AMD1: variants seen among roughly 807,000 people sequenced by gnomAD.
AMD1 encodes adenosylmethionine decarboxylase 1.
In AMD1, 11 loss-of-function variants were observed where a neutral mutation model predicts 40.2. The observed-to-expected ratio is 0.27, with a 90% CI of 0.17 to 0.45. The LOEUF is 0.45. AMD1 is among the 20% of genes least tolerant of loss of function. The pLI is 1.00. For synonymous variants in AMD1, 121 were observed against 130.8 expected, an observed-to-expected ratio of 0.93 and a Z score of 0.51; for missense variants, 257 against 410.2, an observed-to-expected ratio of 0.63 and a Z score of 3.23.
At chr6:110,883,703 C>T (rs1011688917) in intron 1 of AMD1, among the ~76,000 whole-genome samples, 1 of 152,096 alleles carries the variant, frequency 6.6e-6, no homozygotes, top group Non-Finnish European at 1.5e-5. Context: ...GCCATTCTCC[C>T]GCCGCAGCCA....
the AMD1 span, among the ~76,000 whole-genome samples, chr6:110,866,925 T>C: frequency 6.6e-6 from 1 of 152,054 alleles, no homozygotes; most frequent in Non-Finnish European, 1.5e-5. Context: ...GCTAGTCTCC[T>C]GCCTCAGCCT....
At chr6:110,822,174 G>A in the AMD1 span, among the ~76,000 whole-genome samples, 1 of 152,012 alleles carries the variant, frequency 6.6e-6, no homozygotes, top group East Asian at 1.9e-4. Context: ...CCACTACACT[G>A]TAGCCTGGGC....
chr6:110,822,474 A>G, the AMD1 span, among the ~76,000 whole-genome samples: 4 of 152,218 alleles, frequency 2.6e-5, no homozygotes, highest in Non-Finnish European at 5.9e-5. Flanking sequence ...GCCAAATTCT[A>G]GCAGACATTC....
the AMD1 span, among the ~76,000 whole-genome samples, chr6:110,861,694 T>C: frequency 1.7e-4 from 25 of 150,378 alleles, no homozygotes; most frequent in Non-Finnish European, 3.1e-4. Context: ...ATACAAAAAC[T>C]AACCAGGCGT....
intron 3 of AMD1, 166 bp downstream of exon 3, chr6:110,889,149 C>A: frequency 1.6e-6 from 1 of 621,576 alleles, no homozygotes; most frequent in Non-Finnish European, 2.4e-6. Context: ...TCAAGAACAG[C>A]AGAAAATAGG....
chr6:110,864,884 T>C, the AMD1 span, among the ~76,000 whole-genome samples: 2 of 152,228 alleles, frequency 1.3e-5, no homozygotes, highest in Admixed American at 6.5e-5. Flanking sequence ...GAATCCAGCA[T>C]ACAGGCTGGC....
the AMD1 span, among the ~76,000 whole-genome samples, chr6:110,868,366 G>C: frequency 9.2e-5 from 14 of 151,858 alleles, no homozygotes; most frequent in Admixed American, 1.3e-4. Context: ...AGCTAGAGTG[G>C]TCTTGATCTC....
chr6:110,881,383 G>T (rs1785402784), intron 1 of AMD1, among the ~76,000 whole-genome samples: 1 of 152,046 alleles, frequency 6.6e-6, no homozygotes, highest in South Asian at 2.1e-4. Context: ...ATGTCTTCTG[G>T]GTGGCAAAAT....
intron 1 of AMD1, among the ~76,000 whole-genome samples, chr6:110,881,377 C>G (rs1238036999): frequency 1.3e-5 from 2 of 152,156 alleles, no homozygotes; most frequent in Non-Finnish European, 2.9e-5. Context: ...TGCCACATGT[C>G]TTCTGGGTGG....
At chr6:110,882,866 C>T (rs1183283124) in intron 1 of AMD1, among the ~76,000 whole-genome samples, 1 of 152,182 alleles carries the variant, frequency 6.6e-6, no homozygotes, top group Non-Finnish European at 1.5e-5. Context: ...TGCCTATAAT[C>T]CTAGCACTTT....
chr6:110,848,950 G>A, the AMD1 span, among the ~76,000 whole-genome samples: 21,388 of 152,184 alleles, frequency 0.14, 1,679 homozygotes, highest in East Asian at 0.32. Context: ...TGGCTGCACT[G>A]AGCCTTGATG....
the AMD1 span, among the ~76,000 whole-genome samples, chr6:110,863,522 A>G: frequency 6.6e-6 from 1 of 151,430 alleles, no homozygotes; most frequent in Non-Finnish European, 1.5e-5. Context: ...GGCGTCTGCC[A>G]CCACACCTGG....
chr6:110,844,810 GA>G, the AMD1 span, among the ~76,000 whole-genome samples: 3 of 151,530 alleles, frequency 2.0e-5, no homozygotes, highest in African/African-American at 7.3e-5. Flanking sequence ...AAGAAAGAAA[GA>G]AAAAAGAAAT....
At chr6:110,834,789 T>C in the AMD1 span, among the ~76,000 whole-genome samples, 5 of 151,684 alleles carry the variant, frequency 3.3e-5, no homozygotes, top group African/African-American at 1.2e-4. Context: ...AAACCCCAGC[T>C]AATACAAAAA....
chr6:110,886,958 C>A (rs1785726744), intron 1 of AMD1, among the ~76,000 whole-genome samples: 1 of 152,140 alleles, frequency 6.6e-6, no homozygotes, highest in South Asian at 2.1e-4. Context: ...GTTAAACGGG[C>A]TTTCTCATTG....
chr6:110,859,404 G>A, the AMD1 span, among the ~76,000 whole-genome samples: 1 of 152,028 alleles, frequency 6.6e-6, no homozygotes, highest in Non-Finnish European at 1.5e-5. Flanking sequence ...GGCACGTCCA[G>A]GCTGTGGGCC....
chr6:110,816,137 C>G, the AMD1 span, among the ~76,000 whole-genome samples: 1 of 152,202 alleles, frequency 6.6e-6, no homozygotes, highest in African/African-American at 2.4e-5. Flanking sequence ...GAACATGCAA[C>G]TTCTGAGCCC....
chr6:110,829,167 TC>T, the AMD1 span, among the ~76,000 whole-genome samples: 1 of 150,992 alleles, frequency 6.6e-6, no homozygotes, highest in Non-Finnish European at 1.5e-5. Context: ...CAAAACTCCG[TC>T]TCAAACAAAC....
upstream of AMD1, among the ~76,000 whole-genome samples, chr6:110,871,604 G>A (rs1784920212): frequency 6.6e-6 from 1 of 152,212 alleles, no homozygotes; most frequent in African/African-American, 2.4e-5. Context: ...GGTAAGAAGA[G>A]ATAAGAGTGG....
Sources: gnomAD v4.1 joint callset for allele counts (sites outside exome capture counted in the v4.1 genomes callset) on GRCh38, gnomAD v4.1.1 for gene constraint, MANE v1.5 for transcripts, NCBI Gene and HGNC (gene_info 2026-07-23, HGNC 2026-07-21) for gene names.